Variants in FGF14 observed in about 807,000 individuals in gnomAD.
FGF14 encodes the protein fibroblast growth factor homologous factor 4.
Under a neutral mutation model 25.5 loss-of-function variants are expected in FGF14, and 5 were observed. The ratio of observed to expected loss-of-function variants is 0.20; its 90% CI spans 0.10 to 0.41. The LOEUF (loss-of-function observed/expected upper bound fraction) is 0.41. Among genes scored for constraint, FGF14 ranks in the 10% least tolerant of loss-of-function variants. The pLI, the probability that FGF14 is intolerant of heterozygous loss-of-function variation, is 1.00. For synonymous variants in FGF14, 138 were observed against 118.3 expected (o/e 1.17, Z -1.08); for missense variants, 222 against 320.1 (o/e 0.69, Z 2.34).
At chr13:102,033,759 TA>T (rs1461851694) in intron 1 of FGF14, among the ~76,000 whole-genome samples, 1 of 152,162 alleles carries the variant, frequency 6.6e-6, no homozygotes, top group Non-Finnish European at 1.5e-5. Flanking sequence ...ATATCAATTT[TA>T]AAGATTATTT....
intron 3 of FGF14, among the ~76,000 whole-genome samples, chr13:101,741,565 G>A (rs1019186977): frequency 3.3e-5 from 5 of 150,288 alleles, no homozygotes; most frequent in Admixed American, 1.3e-4. Context: ...TGATGTCAAC[G>A]GCAAATCCAC....
rs140073888 is a variant in FGF14, at chr13:101,876,584, T to C, written c.194-1288A>G. ...ATTGTACCTAGACTTGCTTCATAGATGGTATAATATTGGAAAAATCCTTTT... is the reference window on the plus strand; with the variant it reads ...ATTGTACCTAGACTTGCTTCATAGACGGTATAATATTGGAAAAATCCTTTT... On this transcript the variant is annotated intron_variant, in intron 1 of 4. Coordinates refer to ENST00000376143, the MANE Select transcript of FGF14 (RefSeq NM_004115.4). Among the ~76,000 whole-genome samples the C allele has an allele frequency of 5.5e-3, 841 of 152,258 alleles. 11 individuals are homozygous for C. The highest frequency in any genetic ancestry group is 0.02 in the African/African-American group (811 of 41,558).
chr13:102,125,458 C>T (rs1210392245), intron 1 of FGF14, among the ~76,000 whole-genome samples: 1 of 152,112 alleles, frequency 6.6e-6, no homozygotes, highest in Non-Finnish European at 1.5e-5. Flanking sequence ...GAGTAATAGA[C>T]ACAACGCTTC....
At chr13:102,207,480 T>C (rs182558400) in intron 1 of FGF14, among the ~76,000 whole-genome samples, 15 of 151,310 alleles carry the variant, frequency 9.9e-5, no homozygotes, top group Admixed American at 2.6e-4. Flanking sequence ...AACAACTTAG[T>C]AAATTTTTTC....
intron 1 of FGF14, among the ~76,000 whole-genome samples, chr13:102,110,050 C>T (rs1174533000): frequency 7.2e-5 from 11 of 152,154 alleles, no homozygotes; most frequent in Non-Finnish European, 1.6e-4. Flanking sequence ...CCATAATGTT[C>T]TAACTTGAAC....
At chr13:102,284,200 T>G (rs1232441800) in intron 1 of FGF14, among the ~76,000 whole-genome samples, 2 of 152,180 alleles carry the variant, frequency 1.3e-5, no homozygotes, top group African/African-American at 4.8e-5. Flanking sequence ...CACAAAAGCA[T>G]ATTTCAGATG....
intron 3 of FGF14, among the ~76,000 whole-genome samples, chr13:101,799,958 A>G (rs2040776042): frequency 6.6e-6 from 1 of 152,186 alleles, no homozygotes; most frequent in Non-Finnish European, 1.5e-5. Context: ...GACTTAGTGC[A>G]GACAAATGAA....
intron 1 of FGF14, among the ~76,000 whole-genome samples, chr13:101,884,475 A>G (rs1159442784): frequency 6.6e-6 from 1 of 152,184 alleles, no homozygotes; most frequent in East Asian, 1.9e-4. Context: ...GATGGAACAT[A>G]AATAAGGGCA....
chr13:102,392,808 T>C (rs149553973), intron 1 of FGF14, among the ~76,000 whole-genome samples: 359 of 152,282 alleles, frequency 2.4e-3, no homozygotes, highest in African/African-American at 8.0e-3. Context: ...TCTGGACCGC[T>C]CACCACTGCT....
chr13:102,194,298 G>T (rs1417973888), intron 1 of FGF14, among the ~76,000 whole-genome samples: 1 of 151,320 alleles, frequency 6.6e-6, no homozygotes, highest in Admixed American at 6.6e-5. Context: ...TTAATTTCTG[G>T]GATACATGTA....
intron 3 of FGF14, among the ~76,000 whole-genome samples, chr13:101,778,354 A>G (rs1014921381): frequency 2.0e-5 from 3 of 152,010 alleles, no homozygotes; most frequent in Non-Finnish European, 4.4e-5. Flanking sequence ...ATGTTGCAAC[A>G]CCACTTCCAT....
intron 1 of FGF14, among the ~76,000 whole-genome samples, chr13:102,063,849 A>C (rs77785708): frequency 6.6e-6 from 1 of 152,170 alleles, no homozygotes; most frequent in Admixed American, 6.5e-5. Flanking sequence ...ACTAAAAAAA[A>C]CACTTAATAT....
At chr13:101,909,478 G>A (rs373277722) in intron 1 of FGF14, among the ~76,000 whole-genome samples, 1 of 152,066 alleles carries the variant, frequency 6.6e-6, no homozygotes, top group Admixed American at 6.6e-5. Flanking sequence ...GCAGCCAAAA[G>A]ACACGTGAAA....
intron 1 of FGF14, among the ~76,000 whole-genome samples, chr13:102,114,644 C>A (rs1410949536): frequency 2.0e-5 from 3 of 152,108 alleles, no homozygotes; most frequent in Non-Finnish European, 4.4e-5. Flanking sequence ...CAATGGAATA[C>A]CATTCGGCTT....
intron 1 of FGF14, among the ~76,000 whole-genome samples, chr13:101,964,791 A>C (rs951086451): frequency 4.6e-5 from 7 of 152,052 alleles, no homozygotes; most frequent in Non-Finnish European, 1.0e-4. Context: ...CAAGCTTCAT[A>C]AGCCAATGTC....
At chr13:101,993,761 CA>C (rs1177030187) in intron 1 of FGF14, among the ~76,000 whole-genome samples, 1 of 151,430 alleles carries the variant, frequency 6.6e-6, no homozygotes, top group Non-Finnish European at 1.5e-5. Flanking sequence ...CAATTAGAAC[CA>C]GAGAAGGCAA....
chr13:102,308,929 A>G (rs1158509618), intron 1 of FGF14, among the ~76,000 whole-genome samples: 1 of 150,610 alleles, frequency 6.6e-6, no homozygotes, highest in African/African-American at 2.5e-5. Flanking sequence ...AAAAAAAAAA[A>G]AAAAACACAA....
intron 1 of FGF14, among the ~76,000 whole-genome samples, chr13:102,058,260 T>C (rs1421050891): frequency 6.6e-6 from 1 of 152,188 alleles, no homozygotes; most frequent in African/African-American, 2.4e-5. Context: ...AACAATCTCT[T>C]TGTTTTCTAA....
intron 1 of FGF14, among the ~76,000 whole-genome samples, chr13:102,301,349 T>A (rs925337875): frequency 2.0e-5 from 3 of 152,208 alleles, no homozygotes; most frequent in Non-Finnish European, 4.4e-5. Context: ...ATAATGTAGC[T>A]GATGTATAAT....
Sources: allele counts gnomAD v4.1 joint callset (sites outside exome capture counted in the v4.1 genomes callset), GRCh38; gene constraint gnomAD v4.1.1; transcripts MANE v1.5; gene names NCBI Gene and HGNC (gene_info 2026-07-23, HGNC 2026-07-21).